Variants in EYA1 observed in about 807,000 individuals in gnomAD.
EYA1 encodes the protein protein phosphatase EYA1.
Under a neutral mutation model 82.0 loss-of-function variants are expected in EYA1, and 16 were observed. The observed-to-expected ratio is 0.20, with a 90% CI of 0.13 to 0.30. The LOEUF is 0.30. Ranked by LOEUF, EYA1 falls within the 10% of genes least tolerant of loss-of-function variation. EYA1 has a pLI of 1.00. For missense variants in EYA1, 633 were observed against 730.7 expected (o/e 0.87, Z 1.54); for synonymous variants, 261 against 264.4 (o/e 0.99, Z 0.12).
chr8:71,326,242 C>G (rs1401531939), intron 4 of EYA1, among the ~76,000 whole-genome samples: 6 of 152,178 alleles, frequency 3.9e-5, no homozygotes, highest in Non-Finnish European at 8.8e-5. Flanking sequence ...GGCAGGTCCT[C>G]AGCTCATTCC....
intron 2 of EYA1, among the ~76,000 whole-genome samples, chr8:71,407,943 A>C (rs1830356684): frequency 6.6e-6 from 1 of 150,948 alleles, no homozygotes; most frequent in Non-Finnish European, 1.5e-5. Flanking sequence ...AGTTGAAATG[A>C]AGGAAAAAAT....
intron 17 of EYA1, among the ~76,000 whole-genome samples, chr8:71,203,295 C>T (rs976799158): frequency 6.6e-5 from 10 of 152,112 alleles, no homozygotes; most frequent in Admixed American, 3.3e-4. Context: ...TGCATAGCAC[C>T]GTAGCTACAG....
chr8:71,276,013 C>T (rs1817125735), intron 9 of EYA1, among the ~76,000 whole-genome samples: 1 of 152,206 alleles, frequency 6.6e-6, no homozygotes, highest in Non-Finnish European at 1.5e-5. Flanking sequence ...TTGGTGTTCT[C>T]TACATCCCTG....
intron 2 of EYA1, among the ~76,000 whole-genome samples, chr8:71,443,169 G>A (rs1332898124): frequency 2.0e-5 from 3 of 152,064 alleles, no homozygotes; most frequent in African/African-American, 7.3e-5. Context: ...ATAACCCACT[G>A]CCTCTCCACC....
chr8:71,510,638 C>T (rs554436680), intron 2 of EYA1, among the ~76,000 whole-genome samples: 3 of 152,144 alleles, frequency 2.0e-5, no homozygotes, highest in Non-Finnish European at 4.4e-5. Flanking sequence ...TGAGGGAAAC[C>T]ACTCATATGG....
chr8:71,228,832 A>G (rs1034320745), intron 12 of EYA1, among the ~76,000 whole-genome samples: 4 of 152,172 alleles, frequency 2.6e-5, no homozygotes, highest in Admixed American at 1.3e-4. Context: ...GACTGTCACT[A>G]TGATTTTCTG....
chr8:71,483,674 CGT>C (rs34143964), intron 2 of EYA1, among the ~76,000 whole-genome samples: 26 of 147,544 alleles, frequency 1.8e-4, no homozygotes, highest in Non-Finnish European at 2.6e-4. Flanking sequence ...TGTGTGTGTG[CGT>C]GTGTGTGTGT....
At chr8:71,362,562 T>C (rs1827499745), upstream of EYA1, among the ~76,000 whole-genome samples, 1 of 152,192 alleles carries the variant, frequency 6.6e-6, no homozygotes, top group African/African-American at 2.4e-5. Flanking sequence ...AAAACTAGAA[T>C]GGCCATTTCC....
intron 2 of EYA1, among the ~76,000 whole-genome samples, chr8:71,466,147 A>G (rs1372297209): frequency 6.6e-6 from 1 of 152,106 alleles, no homozygotes; most frequent in Non-Finnish European, 1.5e-5. Context: ...GTACTGAAAA[A>G]CCTCATAACA....
At chr8:71,260,511 T>C (rs1425015176) in intron 11 of EYA1, among the ~76,000 whole-genome samples, 1 of 152,204 alleles carries the variant, frequency 6.6e-6, no homozygotes, top group African/African-American at 2.4e-5. Context: ...CTCCTAGCAA[T>C]TGCTATTCTA....
In EYA1 at chr8:71,304,739, A is replaced by G. The variant is rs1820545876; in HGVS notation, c.557-5019T>C. On this transcript the variant is annotated intron_variant, in intron 7 of 17. Coordinates refer to ENST00000340726, the MANE Select transcript of EYA1 (RefSeq NM_000503.6). The stretch of plus-strand genomic sequence containing the variant: ...CAAGCATTCAGAGCTGAAGCTTCTC[A>G]GAGCCTATCTGTGTGGGGTATTTCT... Among the ~76,000 whole-genome samples, 2 of 143,166 alleles carry G rather than the reference A, an allele frequency of 1.4e-5. 1 individual carries two copies. The highest frequency in any genetic ancestry group is 4.9e-5 in the African/African-American group (2 of 40,510). The allele number at this position is 143,166 out of a possible 152,430, so 93.9% of individuals were successfully genotyped here. A position where few individuals can be genotyped will look rare whatever the true frequency, so the allele number is the denominator to read the frequency against.
At chr8:71,452,609 A>G (rs1340893301) in intron 2 of EYA1, among the ~76,000 whole-genome samples, 2 of 152,228 alleles carry the variant, frequency 1.3e-5, no homozygotes, top group African/African-American at 2.4e-5. Flanking sequence ...GTTGATGTTC[A>G]GCAATATTCG....
chr8:71,472,597 ATAT>A (rs1181682938), intron 2 of EYA1, among the ~76,000 whole-genome samples: 1 of 151,774 alleles, frequency 6.6e-6, no homozygotes, highest in African/African-American at 2.4e-5. Context: ...ATTCTTCGTA[ATAT>A]TATTATTTTT....
chr8:71,253,456 C>T (rs1160132309), intron 11 of EYA1, among the ~76,000 whole-genome samples: 4 of 152,112 alleles, frequency 2.6e-5, no homozygotes. Context: ...TTCTTTGGCT[C>T]TCTGATGTGA....
At chr8:71,295,936 G>A (rs1010495532) in intron 9 of EYA1, among the ~76,000 whole-genome samples, 1 of 151,950 alleles carries the variant, frequency 6.6e-6, no homozygotes, top group African/African-American at 2.4e-5. Context: ...TTAAGAGTAG[G>A]CATGAGTTTA....
rs77112275 is a variant in EYA1, at chr8:71,339,151, T to A, written c.125-4977A>T. ...TTCACTTAGTTGCTATTACCCCTCA[T>A]CAGAACAAGCCATCTTTCCAAATCC... On this transcript the variant is annotated intron_variant, in intron 3 of 17. Coordinates refer to ENST00000340726, the MANE Select transcript of EYA1 (RefSeq NM_000503.6). Among the ~76,000 whole-genome samples the A allele has an allele frequency of 1.1e-3, 168 of 152,216 alleles. 1 individual carries two copies. Among genetic ancestry groups the A allele is most frequent in the African/African-American group, 3.9e-3 (160 of 41,530 alleles).
intron 11 of EYA1, among the ~76,000 whole-genome samples, chr8:71,256,611 T>C (rs114783650): frequency 1.6e-3 from 246 of 152,304 alleles, no homozygotes; most frequent in African/African-American, 5.7e-3. Flanking sequence ...CTTCTGGAGA[T>C]TGGTTTTACA....
chr8:71,271,694 T>G, intron 10 of EYA1, 64 bp downstream of exon 10: 1 of 1,596,324 alleles, frequency 6.3e-7, no homozygotes, highest in Middle Eastern at 1.7e-4. Context: ...GTAGCAGGTA[T>G]GTAAAACCAC....
At chr8:71,202,949 T>C (rs1459670259) in intron 17 of EYA1, among the ~76,000 whole-genome samples, 1 of 152,216 alleles carries the variant, frequency 6.6e-6, no homozygotes, top group Non-Finnish European at 1.5e-5. Flanking sequence ...CGTACTGATG[T>C]GAAGATTTTA....
Sources: gnomAD v4.1 joint callset for allele counts (sites outside exome capture counted in the v4.1 genomes callset) on GRCh38, gnomAD v4.1.1 for gene constraint, MANE v1.5 for transcripts, NCBI Gene and HGNC (gene_info 2026-07-23, HGNC 2026-07-21) for gene names.